The following BMERB1 variants were observed in gnomAD, a reference collection of about 807,000 sequenced individuals.
The protein encoded by BMERB1 is bMERB domain containing 1.
A neutral mutation model predicts 23.6 loss-of-function variants in BMERB1; 12 were observed. The observed-to-expected ratio is 0.51, with a 90% CI of 0.33 to 0.82. The LOEUF (loss-of-function observed/expected upper bound fraction) is 0.82. BMERB1 is among the 40% of genes least tolerant of loss of function. BMERB1 has a pLI of 0.03. For missense variants in BMERB1, 247 were observed against 255.4 expected (o/e 0.97, Z 0.22); for synonymous variants, 122 against 96.6 (o/e 1.26, Z -1.54).
chr16:15,550,019 G>A (rs139611011), intron 2 of BMERB1, among the ~76,000 whole-genome samples: 2,101 of 150,628 alleles, frequency 0.014, 59 homozygotes, highest in African/African-American at 0.05. Flanking sequence ...GTGCCATCTC[G>A]GCTCACTGCA....
At chr16:15,464,986 G>C (rs575541750) in intron 1 of BMERB1, among the ~76,000 whole-genome samples, 1 of 152,210 alleles carries the variant, frequency 6.6e-6, no homozygotes, top group South Asian at 2.1e-4. Flanking sequence ...CTCTGACAAA[G>C]CCAGCATAGA....
In BMERB1 at chr16:15,436,691, C is replaced by A. The variant is rs150128963; in HGVS notation, c.106+1932C>A. ...TTAACCATCTCTGTGTCCCCCCATC[C>A]CAATACCCTCCCCAGCCTCTGGTAA... On this transcript the variant is annotated intron_variant, in intron 1 of 5. Coordinates refer to ENST00000300006, the MANE Select transcript of BMERB1 (RefSeq NM_033201.3). Among the ~76,000 whole-genome samples, 25 of 151,962 alleles carry A rather than the reference C, an allele frequency of 1.6e-4. No homozygotes were observed. The East Asian group carries it at 3.9e-3, about 24-fold the overall frequency.
intron 1 of BMERB1, chr16:15,502,159 G>C (rs2051536870): frequency 1.3e-6 from 1 of 797,402 alleles, no homozygotes; most frequent in Non-Finnish European, 2.0e-6. Context: ...ACGTGCTGTT[G>C]GTGCGTCCTC....
intron 3 of BMERB1, 53 bp downstream of exon 3, chr16:15,568,109 C>T (rs2030628362): frequency 1.3e-6 from 2 of 1,513,750 alleles, no homozygotes; most frequent in South Asian, 1.1e-5. Context: ...GGGCCCCCAG[C>T]CTGGCCCATC....
In BMERB1 at chr16:15,587,070, C is replaced by T. The variant is rs2031167062; in HGVS notation, c.*241C>T. On this transcript the variant is annotated 3_prime_UTR_variant, in exon 6 of 6. Transcript: ENST00000300006. The stretch of plus-strand genomic sequence containing the variant: ...GAGCATGCCGAACCCAGGAGTCTGT[C>T]TCACTGTTTATCCAAACACCAGGAA... 2.0e-5 allele frequency: 10 copies of T among 504,554 alleles called. No individual in the cohort carries two copies. The South Asian group carries it at 2.1e-4, about 11-fold the overall frequency. 31.3% of individuals were successfully genotyped at this position (504,554 alleles called of 1,614,324 possible). A position where few individuals can be genotyped will look rare whatever the true frequency, so the allele number is the denominator to read the frequency against.
chr16:15,557,602 G>GATTTA (rs2030300307), intron 2 of BMERB1, among the ~76,000 whole-genome samples: 1 of 152,164 alleles, frequency 6.6e-6, no homozygotes, highest in African/African-American at 2.4e-5. Flanking sequence ...AGCGTCCGAC[G>GATTTA]ACTAGTGTCT....
intron 1 of BMERB1, among the ~76,000 whole-genome samples, chr16:15,494,598 C>T (rs1194171983): frequency 2.6e-5 from 4 of 152,106 alleles, no homozygotes; most frequent in East Asian, 1.9e-4. Flanking sequence ...TGTGAATATC[C>T]TTAATGTGAT....
At position 15,442,029 on chromosome 16, in the gene BMERB1, G is replaced by A. The variant is rs532686761; in HGVS notation, c.106+7270G>A. Among the ~76,000 whole-genome samples the A allele has an allele frequency of 3.3e-5, 5 of 152,192 alleles. No individual in the cohort carries two copies. In the South Asian group the frequency reaches 1.0e-3, roughly 32 times the overall value. ...TGTCCTCTGGAAGATCAAGCACCTG[G>A]TTAAGACTTAGGAGAGGGAGGCCGG... On this transcript the variant is annotated intron_variant, in intron 1 of 5. Transcript: ENST00000300006.
intron 1 of BMERB1, among the ~76,000 whole-genome samples, chr16:15,489,783 A>G (rs756037898): frequency 6.6e-6 from 1 of 152,000 alleles, no homozygotes; most frequent in East Asian, 1.9e-4. Context: ...TCTTCCCCCA[A>G]ACATAACTCA....
At chr16:15,497,190 G>A (rs1235106841) in intron 1 of BMERB1, among the ~76,000 whole-genome samples, 1 of 152,118 alleles carries the variant, frequency 6.6e-6, no homozygotes, top group Admixed American at 6.5e-5. Flanking sequence ...GCTTTACTCA[G>A]GTGTTGCAGC....
At chr16:15,515,867 C>A (rs1403427907) in intron 2 of BMERB1, among the ~76,000 whole-genome samples, 1 of 152,290 alleles carries the variant, frequency 6.6e-6, no homozygotes, top group East Asian at 1.9e-4. Flanking sequence ...GATGGGGTCT[C>A]TAGCAACATC....
rs13339431 is a variant in BMERB1 at position 15,567,957 on chromosome 16, C to A, written c.231-26C>A. ...CGTAATGCTCTGCTGATGTAACCTG[C>A]TGTTGATGGTGTCCTGTTTCCCCAG... On this transcript the variant is annotated intron_variant, in intron 2 of 5. Coordinates refer to ENST00000300006, the MANE Select transcript of BMERB1 (RefSeq NM_033201.3). 29,525 of 1,602,642 alleles carry A rather than the reference C, an allele frequency of 0.018. 3,645 individuals carry two copies. In the African/African-American group the frequency reaches 0.3, roughly 17 times the overall value.
chr16:15,512,733 G>A (rs540156454), intron 1 of BMERB1, among the ~76,000 whole-genome samples: 1 of 152,132 alleles, frequency 6.6e-6, no homozygotes, highest in South Asian at 2.1e-4. Context: ...ACAAAAATTA[G>A]CTGGGCATGG....
intron 1 of BMERB1, among the ~76,000 whole-genome samples, chr16:15,439,924 C>T (rs1299074942): frequency 2.0e-5 from 3 of 151,810 alleles, no homozygotes; most frequent in South Asian, 2.1e-4. Flanking sequence ...GAGTTGGAGG[C>T]GGGAGAGGGG....
In BMERB1 at chr16:15,587,595, C is replaced by A; in HGVS notation, c.*766C>A. ...GGAAGCTCTGATGTCAAGGCCAGAG[C>A]AGTTGAGAATGGGACCCAGAGTAGA... is the stretch of plus-strand genomic sequence containing the variant. On this transcript the variant is annotated 3_prime_UTR_variant, in exon 6 of 6. Transcript: ENST00000300006. 2.2e-6 allele frequency: 1 copy of A among 449,710 alleles called. No homozygotes were observed. Among genetic ancestry groups the A allele is most frequent in the Non-Finnish European group, 4.5e-6 (1 of 222,406 alleles). 27.9% of individuals were successfully genotyped at this position (449,710 alleles called of 1,614,324 possible).
At chr16:15,529,671 A>T (rs909887327) in intron 2 of BMERB1, among the ~76,000 whole-genome samples, 4 of 152,032 alleles carry the variant, frequency 2.6e-5, no homozygotes, top group African/African-American at 9.7e-5. Context: ...CTGAGTGAAG[A>T]TTGATTGAAT....
intron 2 of BMERB1, among the ~76,000 whole-genome samples, chr16:15,538,994 C>T (rs1237000935): frequency 1.3e-5 from 2 of 152,090 alleles, no homozygotes; most frequent in Non-Finnish European, 2.9e-5. Flanking sequence ...TTCCATGGAC[C>T]AGGGATGGGG....
chr16:15,491,745 T>G (rs1036833310), intron 1 of BMERB1, among the ~76,000 whole-genome samples: 6 of 152,134 alleles, frequency 3.9e-5, no homozygotes, highest in African/African-American at 1.4e-4. Flanking sequence ...TCCCCCTCCG[T>G]CTTCCCAGGC....
intron 1 of BMERB1, among the ~76,000 whole-genome samples, chr16:15,458,597 G>T (rs2150926894): frequency 6.6e-6 from 1 of 151,662 alleles, no homozygotes; most frequent in East Asian, 1.9e-4. Flanking sequence ...CACACCTGTA[G>T]TTCCAGCTAC....
Sources: gnomAD v4.1 joint callset for allele counts (sites outside exome capture counted in the v4.1 genomes callset) on GRCh38, gnomAD v4.1.1 for gene constraint, MANE v1.5 for transcripts, NCBI Gene and HGNC (gene_info 2026-07-23, HGNC 2026-07-21) for gene names.